The following ELF2 variants were observed in gnomAD, a reference collection of about 807,000 sequenced individuals.
ELF2 encodes E74 like ETS transcription factor 2.
In ELF2, 11 loss-of-function variants were observed where a neutral mutation model predicts 54.8. That is an observed-to-expected ratio of 0.20 (90% CI 0.13 to 0.33). ELF2 has a LOEUF of 0.33. Among genes scored for constraint, ELF2 ranks in the 10% least tolerant of loss-of-function variants. The pLI, the probability that ELF2 is intolerant of heterozygous loss-of-function variation, is 1.00. For missense variants in ELF2, 513 were observed against 703.0 expected (o/e 0.73, Z 3.06); for synonymous variants, 203 against 245.1 (o/e 0.83, Z 1.61).
intron 7 of ELF2, 135 bp downstream of exon 7, chr4:139,067,549 C>T: frequency 1.2e-6 from 1 of 819,260 alleles, no homozygotes; most frequent in South Asian, 1.9e-5. Flanking sequence ...GCTGATACAT[C>T]CCTTATTAAG....
At chr4:139,108,467 A>C (rs1434331570) in intron 4 of ELF2, among the ~76,000 whole-genome samples, 2 of 152,176 alleles carry the variant, frequency 1.3e-5, no homozygotes, top group Non-Finnish European at 2.9e-5. Flanking sequence ...AGAATCTCTC[A>C]GGCCCCAAAG....
intron 1 of ELF2, among the ~76,000 whole-genome samples, chr4:139,146,217 T>C (rs770196319): frequency 5.9e-5 from 9 of 152,246 alleles, no homozygotes; most frequent in Non-Finnish European, 1.2e-4. Flanking sequence ...CCAGTAGCAC[T>C]GCTATACAAC....
At chr4:139,151,099 A>G (rs1056808489) in intron 1 of ELF2, among the ~76,000 whole-genome samples, 4 of 151,196 alleles carry the variant, frequency 2.6e-5, no homozygotes, top group Non-Finnish European at 4.4e-5. Flanking sequence ...AAAGAAAAAG[A>G]GAGCTATTTA....
chr4:139,115,124 C>A, intron 4 of ELF2: 1 of 1,613,716 alleles, frequency 6.2e-7, no homozygotes. Context: ...TCCTGGCAGT[C>A]GTAGAGGCGC....
chr4:139,174,504 A>G (rs1742706931), intron 1 of ELF2, among the ~76,000 whole-genome samples: 1 of 152,152 alleles, frequency 6.6e-6, no homozygotes, highest in Non-Finnish European at 1.5e-5. Context: ...AAAATTGAGT[A>G]TAGTGATGGC....
chr4:139,106,895 C>G (rs1734473920), intron 4 of ELF2, among the ~76,000 whole-genome samples: 2 of 151,786 alleles, frequency 1.3e-5, no homozygotes, highest in South Asian at 4.2e-4. Flanking sequence ...AGGCATGCGC[C>G]ACCATGCCTG....
At position 139,073,405 on chromosome 4, in the gene ELF2, A is replaced by C. The variant is rs752241249; in HGVS notation, c.352+49T>G. The C allele has an allele frequency of 8.1e-6, 11 of 1,355,890 alleles. No homozygotes were observed. The South Asian group carries it at 1.6e-4, about 19-fold the overall frequency. 84.0% of individuals were successfully genotyped at this position (1,355,890 alleles called of 1,614,324 possible). A position where few individuals can be genotyped will look rare whatever the true frequency, so the allele number is the denominator to read the frequency against. On this transcript the variant is annotated intron_variant, in intron 5 of 9. Coordinates refer to ENST00000686138, the MANE Select transcript of ELF2 (RefSeq NM_001331036.3). ...AAAAACAAAAAACTTTATTTTAGAC[A>C]TATGAAGTAGTATGACACGTTTAAC...
chr4:139,073,964 C>CA (rs889359266), intron 4 of ELF2, among the ~76,000 whole-genome samples: 5 of 151,902 alleles, frequency 3.3e-5, no homozygotes, highest in South Asian at 4.2e-4. Flanking sequence ...CCGTCTCTAC[C>CA]AAAAAATAGA....
intron 4 of ELF2, chr4:139,114,986 C>A: frequency 1.2e-6 from 2 of 1,613,732 alleles, no homozygotes; most frequent in Non-Finnish European, 1.7e-6. Flanking sequence ...TCCAGCAGAC[C>A]AGAAATGAAG....
chr4:139,081,710 A>G (rs1731140803), intron 4 of ELF2, among the ~76,000 whole-genome samples: 1 of 152,162 alleles, frequency 6.6e-6, no homozygotes, highest in South Asian at 2.1e-4. Context: ...TGGCAGCAAT[A>G]AAAATTTAGA....
intron 4 of ELF2, among the ~76,000 whole-genome samples, chr4:139,117,609 T>A (rs999656765): frequency 7.2e-5 from 11 of 151,884 alleles, no homozygotes; most frequent in Admixed American, 1.3e-4. Flanking sequence ...GCACAAGAAT[T>A]GCTTGAACCC....
intron 4 of ELF2, among the ~76,000 whole-genome samples, chr4:139,093,703 ATAAT>A (rs1363370548): frequency 2.0e-5 from 3 of 152,216 alleles, no homozygotes; most frequent in African/African-American, 7.2e-5. Context: ...GATAGGACTC[ATAAT>A]TAACACAAAA....
At chr4:139,130,212 T>G (rs1195620281) in intron 3 of ELF2, among the ~76,000 whole-genome samples, 2 of 151,552 alleles carry the variant, frequency 1.3e-5, no homozygotes, top group African/African-American at 4.9e-5. Context: ...TTCTCCCTCC[T>G]AGCCCTCAAA....
At chr4:139,140,993 C>G (rs1269164265) in intron 1 of ELF2, among the ~76,000 whole-genome samples, 1 of 152,110 alleles carries the variant, frequency 6.6e-6, no homozygotes, top group Non-Finnish European at 1.5e-5. Context: ...ACATTTCTGT[C>G]TTCATAGGAC....
intron 4 of ELF2, chr4:139,084,459 C>CGGCTGTGGCTGT: frequency 2.6e-6 from 3 of 1,150,612 alleles, no homozygotes; most frequent in East Asian, 4.5e-5. Flanking sequence ...GCGGCGGCGG[C>CGGCTGTGGCTGT]GGCTGTGGCT....
chr4:139,059,216 C>A lies in ELF2; in HGVS notation c.1549G>T (p.Ala517Ser), dbSNP rs150414946. ...VMRLSMPTQQASGQTPPRVIS... is the reference protein window; with the variant it reads ...VMRLSMPTQQSSGQTPPRVIS... ...ACTCGAGGAGGAGTCTGGCCAGATG[C>A]CTGCTGAGTAGGCATTGATAGTCTC... The change falls in exon 10 of 10, where the codon GCA (alanine) becomes TCA (serine). Residue 517 changes from alanine (A) to serine (S), a missense_variant. By Grantham distance (99) the Ala-to-Ser change is moderately conservative (BLOSUM62 1). Transcript: ENST00000686138. The A allele has an allele frequency of 1.9e-6, 3 of 1,613,818 alleles. No homozygotes were observed. In the Admixed American group the frequency reaches 5.0e-5, roughly 27 times the overall value.
intron 4 of ELF2, among the ~76,000 whole-genome samples, chr4:139,115,998 C>G (rs961401028): frequency 2.0e-5 from 3 of 152,028 alleles, no homozygotes; most frequent in East Asian, 3.9e-4. Flanking sequence ...TCCACCACCA[C>G]GCCTGGCTAA....
intron 4 of ELF2, among the ~76,000 whole-genome samples, chr4:139,120,453 T>C (rs912813937): frequency 2.0e-5 from 3 of 152,190 alleles, no homozygotes; most frequent in African/African-American, 4.8e-5. Context: ...ACTTTCTTTT[T>C]AGAGACATGG....
chr4:139,172,111 T>C (rs182209536), intron 1 of ELF2, among the ~76,000 whole-genome samples: 25 of 152,316 alleles, frequency 1.6e-4, no homozygotes, highest in East Asian at 1.9e-4. Context: ...ATTCTACTCC[T>C]AGATAGCTAA....
Sources: allele counts gnomAD v4.1 joint callset (sites outside exome capture counted in the v4.1 genomes callset), GRCh38; gene constraint gnomAD v4.1.1; transcripts MANE v1.5; gene names NCBI Gene and HGNC (gene_info 2026-07-23, HGNC 2026-07-21).